The following CYP3A4 variants were observed in gnomAD, a reference collection of about 807,000 sequenced individuals.
The protein encoded by CYP3A4 is cytochrome P450 family 3 subfamily A member 4.
In CYP3A4, 41 loss-of-function variants were observed where a neutral mutation model predicts 54.9. The ratio of observed to expected loss-of-function variants is 0.75; its 90% CI spans 0.58 to 0.97. The LOEUF is 0.97. Among genes scored for constraint, CYP3A4 ranks in the 50% least tolerant of loss-of-function variants. The pLI is 0.00. For synonymous variants in CYP3A4, 179 were observed against 205.2 expected, an observed-to-expected ratio of 0.87 and a Z score of 1.09; for missense variants, 510 against 597.3, an observed-to-expected ratio of 0.85 and a Z score of 1.52.
chr7:99,769,677 G>C (rs1351352858), intron 6 of CYP3A4, 91 bp downstream of exon 6: 3 of 1,511,096 alleles, frequency 2.0e-6, no homozygotes, highest in Non-Finnish European at 9.2e-7. Flanking sequence ...CTGGTCACTG[G>C]AATAACCCAA....
chr7:99,761,144 T>G (rs1405389045), intron 11 of CYP3A4, among the ~76,000 whole-genome samples, 163 bp from the exon 12 acceptor site: 1 of 152,214 alleles, frequency 6.6e-6, no homozygotes, highest in African/African-American at 2.4e-5. Flanking sequence ...GCTATGAGAA[T>G]TGTAAGCTAC....
rs574640171 is a variant in CYP3A4 at position 99,764,122 on chromosome 7, A to G, written c.866-107T>C. 190 of 1,522,582 alleles carry G rather than the reference A, an allele frequency of 1.2e-4. No homozygotes were observed. In the South Asian group the frequency reaches 2.1e-3, roughly 17 times the overall value. 94.3% of individuals were successfully genotyped at this position (1,522,582 alleles called of 1,614,324 possible). A position where few individuals can be genotyped will look rare whatever the true frequency, so the allele number is the denominator to read the frequency against. ...GCCCTCAAATCCCTAAGGGAAAAGA[A>G]TAGAAAAGCAATTCAGAGGTACACT... is the stretch of plus-strand genomic sequence containing the variant. On this transcript the variant is annotated intron_variant, in intron 9 of 12. Coordinates refer to ENST00000651514, the MANE Select transcript of CYP3A4 (RefSeq NM_017460.6).
chr7:99,759,211 G>T (rs1815254140), intron 12 of CYP3A4, among the ~76,000 whole-genome samples: 1 of 152,140 alleles, frequency 6.6e-6, no homozygotes, highest in Non-Finnish European at 1.5e-5. Flanking sequence ...TATATAGAAA[G>T]CCTACTTAAG....
At chr7:99,770,062 A>T (rs1815588900) in intron 5 of CYP3A4, 60 bp downstream of exon 5, 1 of 1,559,924 alleles carries the variant, frequency 6.4e-7, no homozygotes, top group East Asian at 2.3e-5. Context: ...CTTATTTTAT[A>T]CCTGTCCCCA....
At chr7:99,770,727 A>G (rs1815611304) in intron 4 of CYP3A4, among the ~76,000 whole-genome samples, 1 of 152,286 alleles carries the variant, frequency 6.6e-6, no homozygotes, top group East Asian at 1.9e-4. Flanking sequence ...AGTAGGTAAT[A>G]CCTTTAAAAC....
Position 99,784,017 on chromosome 7 carries a change from A to C in CYP3A4, c.65T>G (p.Leu22Arg). 1 of 1,613,972 alleles carries C rather than the reference A, an allele frequency of 6.2e-7. No homozygotes were observed. Reference sequence around the variant, plus strand: ...AGCCTGGACAGTTACTCACAGATAGAGGAGCACCAGGCTGACAGCCAGGAG... The same window carrying C: ...AGCCTGGACAGTTACTCACAGATAGCGGAGCACCAGGCTGACAGCCAGGAG... The part of the protein sequence containing the change: ...WLLLAVSLVL[L>R]YLYGTHSHGL... Residue 22 changes from leucine to arginine, a missense_variant, in exon 1 of 13, where the codon CTC (leucine) becomes CGC (arginine). Physicochemically the swap from Leu to Arg is moderately radical, Grantham distance 102. Around this residue, in one of 2 missense-constraint regions of CYP3A4, gnomAD observed 272 missense variants for 274.9 expected, o/e 0.99. Coordinates refer to ENST00000651514, the MANE Select transcript of CYP3A4 (RefSeq NM_017460.6).
rs1471993951 is a variant in CYP3A4, at chr7:99,762,027, C to T, written c.1253+14G>A. The T allele has an allele frequency of 1.2e-6, 2 of 1,613,406 alleles. No homozygotes were observed. Among genetic ancestry groups the T allele is most frequent in the Admixed American group, 3.3e-5 (2 of 60,000 alleles). On this transcript the variant is annotated intron_variant, in intron 11 of 12. Transcript: ENST00000651514. ...GCTGGTTCAGGGAGGGCTCCCTTCC[C>T]AGGGGCCTTGTACCTTTCAGGGAGG...
intron 1 of CYP3A4, 120 bp downstream of exon 1, chr7:99,783,891 A>G (rs1452129306): frequency 6.7e-6 from 8 of 1,188,414 alleles, no homozygotes; most frequent in African/African-American, 1.5e-5. Flanking sequence ...TTACAGGTGT[A>G]AGCCACCACG....
intron 1 of CYP3A4, 51 bp from the exon 2 acceptor site, chr7:99,780,136 T>C (rs773703530): frequency 8.3e-6 from 13 of 1,562,936 alleles, no homozygotes; most frequent in South Asian, 7.8e-5. Context: ...TTTATAGATA[T>C]AGGGGTTGAT....
At chr7:99,768,596 C>G in intron 6 of CYP3A4, 94 bp from the exon 7 acceptor site, 1 of 1,606,778 alleles carries the variant, frequency 6.2e-7, no homozygotes, top group Non-Finnish European at 8.5e-7. Context: ...CCAGTCAAGA[C>G]AGACAAACAG....
intron 3 of CYP3A4, among the ~76,000 whole-genome samples, chr7:99,777,098 C>T (rs1478925745): frequency 6.6e-6 from 1 of 152,096 alleles, no homozygotes; most frequent in East Asian, 1.9e-4. Context: ...ATCTCTCAAC[C>T]CTTCATTCAA....
chr7:99,782,166 C>G (rs192837248), intron 1 of CYP3A4, among the ~76,000 whole-genome samples: 157 of 152,342 alleles, frequency 1.0e-3, no homozygotes, highest in Admixed American at 2.4e-3. Flanking sequence ...TCTAAACTTT[C>G]TACAAGTTAC....
intron 9 of CYP3A4, 105 bp downstream of exon 9, chr7:99,766,272 A>G: frequency 3.7e-6 from 5 of 1,358,446 alleles, no homozygotes; most frequent in South Asian, 1.3e-5. Context: ...TCGTTCTGCT[A>G]TGTGGCAGAA....
chr7:99,777,991 A>C (rs1266183977), intron 3 of CYP3A4, 37 bp downstream of exon 3: 3 of 1,561,862 alleles, frequency 1.9e-6, no homozygotes, highest in Non-Finnish European at 2.6e-6. Context: ...TCATCATAGA[A>C]ACAAGTCTAT....
In CYP3A4 at chr7:99,770,207, C is replaced by T; in HGVS notation, c.347G>A (p.Ser116Asn). The change falls in exon 5 of 13, where the codon AGT (serine) becomes AAT (asparagine). Residue 116 changes from serine (S) to asparagine (N), a missense_variant. Coordinates refer to ENST00000651514, the MANE Select transcript of CYP3A4 (RefSeq NM_017460.6). ...RPFGPVGFMK[S>N]AISIAEDEEW... Reference sequence around the variant, plus strand: ...TTCATCCTCAGCTATAGAGATGGCACTTTTCATAAATCCCACTGGACCAAA... The same window carrying T: ...TTCATCCTCAGCTATAGAGATGGCATTTTTCATAAATCCCACTGGACCAAA... The T allele has an allele frequency of 3.7e-6, 6 of 1,613,702 alleles. No homozygotes were observed. The highest frequency in any genetic ancestry group is 5.1e-6 in the Non-Finnish European group (6 of 1,179,698).
chr7:99,774,777 G>A (rs1244112261), intron 3 of CYP3A4, among the ~76,000 whole-genome samples: 5 of 152,016 alleles, frequency 3.3e-5, no homozygotes, highest in Admixed American at 1.3e-4. Flanking sequence ...TTTGAAAACC[G>A]GCACAAGACA....
chr7:99,759,099 C>A lies in CYP3A4; in HGVS notation c.1417-871G>T, dbSNP rs149950096. On this transcript the variant is annotated intron_variant, in intron 12 of 12. Transcript: ENST00000651514. ...ACCACTTTTATTCAGGGCTGAGTCC[C>A]CTGTCTGGGCACATATAATACAGCT... Among the ~76,000 whole-genome samples the A allele has an allele frequency of 1.1e-4, 16 of 152,286 alleles. 1 individual carries two copies. In the East Asian group the frequency reaches 3.1e-3, roughly 29 times the overall value.
rs35564277 is a variant in CYP3A4, at chr7:99,764,813, T to C, written c.866-798A>G. 0.011 allele frequency among the ~76,000 whole-genome samples: 1,603 copies of C among 152,282 alleles called. 115 individuals are homozygous for C. The South Asian group carries it at 0.19, about 18-fold the overall frequency. ...GGACAAAAAGCTAGATGAGTGGTAATTGATTGTAGTCTGATGGATGGCATT... is the reference window on the plus strand; with the variant it reads ...GGACAAAAAGCTAGATGAGTGGTAACTGATTGTAGTCTGATGGATGGCATT... On this transcript the variant is annotated intron_variant, in intron 9 of 12. Coordinates refer to ENST00000651514, the MANE Select transcript of CYP3A4 (RefSeq NM_017460.6).
intron 12 of CYP3A4, among the ~76,000 whole-genome samples, chr7:99,760,160 T>C (rs1815282776): frequency 6.6e-6 from 1 of 152,070 alleles, no homozygotes. Flanking sequence ...AGAGTTATAA[T>C]TGGGTTGAAA....
Sources: allele counts gnomAD v4.1 joint callset (sites outside exome capture counted in the v4.1 genomes callset), GRCh38; gene constraint gnomAD v4.1.1; regional missense constraint gnomAD v4.1.1; transcripts MANE v1.5; gene names NCBI Gene and HGNC (gene_info 2026-07-23, HGNC 2026-07-21).